Variants in DOCK2 observed in about 807,000 individuals in gnomAD.
DOCK2 encodes dedicator of cytokinesis protein 2.
DOCK2 carries 87 observed loss-of-function variants against 248.9 expected under a neutral mutation model. The observed-to-expected ratio is 0.35, with a 90% CI of 0.29 to 0.42. DOCK2 has a LOEUF of 0.42. Ranked by LOEUF, DOCK2 falls within the 10% of genes least tolerant of loss-of-function variation. The probability of loss-of-function intolerance (pLI) is 1.00; values close to 1 mark genes in which losing one functional copy is unlikely to be tolerated. For synonymous variants in DOCK2, 805 were observed against 821.6 expected (o/e 0.98, Z 0.35); for missense variants, 1,747 against 2,300.2 (o/e 0.76, Z 4.92).
chr5:169,871,042 C>A (rs1337128933), intron 27 of DOCK2, among the ~76,000 whole-genome samples: 2 of 152,180 alleles, frequency 1.3e-5, no homozygotes, highest in Non-Finnish European at 2.9e-5. Flanking sequence ...CCTCACGTGG[C>A]AGAAAGGGGA....
chr5:169,897,973 C>T (rs1036139596), intron 27 of DOCK2, among the ~76,000 whole-genome samples: 1 of 152,206 alleles, frequency 6.6e-6, no homozygotes, highest in South Asian at 2.1e-4. Context: ...CTAGCTAGAG[C>T]AATCAAATCA....
chr5:169,838,316 C>T (rs1248147081), intron 26 of DOCK2, among the ~76,000 whole-genome samples: 1 of 152,190 alleles, frequency 6.6e-6, no homozygotes, highest in Non-Finnish European at 1.5e-5. Context: ...CCCTTCCTCA[C>T]TGGGTGACCC....
chr5:169,777,757 G>A (rs1765464201), intron 25 of DOCK2, among the ~76,000 whole-genome samples: 1 of 152,194 alleles, frequency 6.6e-6, no homozygotes. Context: ...CCGGTGAGAG[G>A]CATAGAGAGG....
chr5:169,951,582 C>G (rs17646758), intron 27 of DOCK2, among the ~76,000 whole-genome samples: 2,934 of 152,262 alleles, frequency 0.019, 45 homozygotes, highest in Non-Finnish European at 0.031. Flanking sequence ...CCAGTGCACC[C>G]ATTCATTCAA....
intron 25 of DOCK2, among the ~76,000 whole-genome samples, chr5:169,791,402 C>T (rs903767884): frequency 7.2e-5 from 11 of 152,204 alleles, no homozygotes; most frequent in African/African-American, 2.4e-4. Context: ...TTGACTAATG[C>T]TCATTATTGT....
At chr5:169,815,891 T>A (rs923496620) in intron 26 of DOCK2, among the ~76,000 whole-genome samples, 3 of 152,108 alleles carry the variant, frequency 2.0e-5, no homozygotes, top group African/African-American at 4.8e-5. Context: ...CCTCCAAGAC[T>A]GTAGAGGGGC....
At chr5:170,012,099 G>T (rs1301764019) in intron 32 of DOCK2, among the ~76,000 whole-genome samples, 1 of 152,192 alleles carries the variant, frequency 6.6e-6, no homozygotes, top group Non-Finnish European at 1.5e-5. Context: ...TCAAAAACAA[G>T]CCAGTGACTG....
At chr5:169,712,043 C>G (rs771711549) in intron 16 of DOCK2, 36 bp downstream of exon 16, 3 of 1,614,032 alleles carry the variant, frequency 1.9e-6, no homozygotes, top group Non-Finnish European at 2.5e-6. Flanking sequence ...CTGCACCTCC[C>G]CCTAAGGGGA....
At chr5:169,827,234 A>G (rs1053540211) in intron 26 of DOCK2, among the ~76,000 whole-genome samples, 1 of 152,064 alleles carries the variant, frequency 6.6e-6, no homozygotes, top group African/African-American at 2.4e-5. Flanking sequence ...GAGGTATTGG[A>G]CTATAACAGA....
intron 50 of DOCK2, chr5:170,081,494 T>G: frequency 4.2e-6 from 1 of 236,564 alleles, no homozygotes. Flanking sequence ...GGGAGAGAAA[T>G]CCAGGGTGTT....
chr5:169,800,944 CTTTTTTTTTTTTTTT>C (rs60140740), intron 25 of DOCK2, among the ~76,000 whole-genome samples: 13,319 of 54,058 alleles, frequency 0.25, 998 homozygotes, highest in South Asian at 0.32. Flanking sequence ...TTCTTTCTTT[CTTTTTTTTTTTTTTT>C]TTTTTTTTTT....
intron 27 of DOCK2, among the ~76,000 whole-genome samples, chr5:169,901,556 C>T (rs1281858200): frequency 6.6e-6 from 1 of 151,982 alleles, no homozygotes; most frequent in Non-Finnish European, 1.5e-5. Flanking sequence ...GCAGGATGAA[C>T]CAGTGGGGAG....
intron 25 of DOCK2, among the ~76,000 whole-genome samples, chr5:169,800,201 T>C (rs571606558): frequency 1.3e-5 from 2 of 152,324 alleles, no homozygotes; most frequent in East Asian, 3.9e-4. Flanking sequence ...ATCAAAATTT[T>C]TGTCATCTAT....
intron 27 of DOCK2, among the ~76,000 whole-genome samples, chr5:169,906,003 A>T (rs1333203789): frequency 2.6e-5 from 4 of 152,152 alleles, no homozygotes; most frequent in East Asian, 3.8e-4. Context: ...TTTCTCTTAC[A>T]CAAGGTTTAA....
intron 26 of DOCK2, among the ~76,000 whole-genome samples, chr5:169,826,115 T>G (rs1768838272): frequency 6.6e-6 from 1 of 152,206 alleles, no homozygotes. Flanking sequence ...TCCACTGACA[T>G]GTTCATTTTG....
intron 27 of DOCK2, among the ~76,000 whole-genome samples, chr5:169,867,542 A>G (rs1434748928): frequency 6.6e-6 from 1 of 152,068 alleles, no homozygotes; most frequent in Non-Finnish European, 1.5e-5. Context: ...TCTATCATGT[A>G]TCTATCATCT....
chr5:169,983,321 G>A (rs1777987735), intron 28 of DOCK2, among the ~76,000 whole-genome samples, 155 bp downstream of exon 28: 2 of 152,196 alleles, frequency 1.3e-5, no homozygotes, highest in South Asian at 4.1e-4. Flanking sequence ...GGGTTTAAGA[G>A]CATGACTGTT....
chr5:169,926,301 T>G (rs1775452678), intron 27 of DOCK2, among the ~76,000 whole-genome samples: 1 of 152,224 alleles, frequency 6.6e-6, no homozygotes, highest in Non-Finnish European at 1.5e-5. Flanking sequence ...TTGGGAAATA[T>G]TGTCGCTTTG....
At chr5:169,844,233 G>T (rs1770167768) in intron 27 of DOCK2, among the ~76,000 whole-genome samples, 1 of 152,334 alleles carries the variant, frequency 6.6e-6, no homozygotes, top group East Asian at 1.9e-4. Flanking sequence ...TGACTTGGAT[G>T]AGTCCAGCTT....
Sources: gnomAD v4.1 joint callset for allele counts (sites outside exome capture counted in the v4.1 genomes callset) on GRCh38, gnomAD v4.1.1 for gene constraint, MANE v1.5 for transcripts, NCBI Gene and HGNC (gene_info 2026-07-23, HGNC 2026-07-21) for gene names.